The following EPB41 variants were observed in gnomAD, a reference collection of about 807,000 sequenced individuals.
The protein encoded by EPB41 is protein 4.1.
EPB41 carries 65 observed loss-of-function variants against 108.0 expected under a neutral mutation model. The observed-to-expected ratio is 0.60, with a 90% CI of 0.49 to 0.74. The LOEUF is 0.74. EPB41 is among the 30% of genes least tolerant of loss of function. The pLI, the probability that EPB41 is intolerant of heterozygous loss-of-function variation, is 0.00. For missense variants in EPB41, 875 were observed against 1,037.0 expected (o/e 0.84, Z 2.15); for synonymous variants, 336 against 358.9 (o/e 0.94, Z 0.72).
At chr1:28,938,263 A>G (rs1455783958) in intron 1 of EPB41, among the ~76,000 whole-genome samples, 3 of 152,300 alleles carry the variant, frequency 2.0e-5, no homozygotes, top group Middle Eastern at 3.4e-3. Context: ...TTTGATGTCT[A>G]CTGCACTGAA....
chr1:28,938,611 C>T (rs2094148266), intron 1 of EPB41, among the ~76,000 whole-genome samples: 2 of 151,220 alleles, frequency 1.3e-5, no homozygotes, highest in South Asian at 4.2e-4. Context: ...TTGCTCACTG[C>T]AACCTCTGCT....
At chr1:29,114,335 G>A (rs975615487) in intron 19 of EPB41, among the ~76,000 whole-genome samples, 1 of 152,130 alleles carries the variant, frequency 6.6e-6, no homozygotes, top group African/African-American at 2.4e-5. Context: ...AAGTCTGATC[G>A]ACTTGAGTTA....
chr1:28,984,406 T>C (rs1048770928), intron 1 of EPB41, among the ~76,000 whole-genome samples: 3 of 152,224 alleles, frequency 2.0e-5, no homozygotes, highest in African/African-American at 7.2e-5. Flanking sequence ...AATTTTTCTT[T>C]CATTATACTG....
chr1:28,971,760 C>T (rs1200269261), intron 1 of EPB41, among the ~76,000 whole-genome samples: 1 of 152,130 alleles, frequency 6.6e-6, no homozygotes, highest in Admixed American at 6.5e-5. Context: ...GACATTAGCA[C>T]TGCGTAGTAA....
intron 7 of EPB41, among the ~76,000 whole-genome samples, chr1:29,024,504 G>T (rs1012517126): frequency 6.6e-6 from 1 of 151,252 alleles, no homozygotes; most frequent in Admixed American, 6.6e-5. Context: ...TTGGTGGCAC[G>T]CGCCTGTAAT....
At chr1:28,895,517 T>G (rs2090573062) in intron 1 of EPB41, among the ~76,000 whole-genome samples, 1 of 151,518 alleles carries the variant, frequency 6.6e-6, no homozygotes, top group Admixed American at 6.6e-5. Context: ...TTGGATGGAG[T>G]CTCACTCTGT....
In EPB41 at chr1:29,018,718, A is replaced by T. The variant is rs2150067617; in HGVS notation, c.1124+276A>T. 6.6e-6 allele frequency among the ~76,000 whole-genome samples: 1 copy of T among 152,204 alleles called. No homozygotes were observed. The highest frequency in any genetic ancestry group is 2.4e-5 in the African/African-American group (1 of 41,548). ...GCTCAGTGCTCAGCAAATGGCAGCT[A>T]TTATTATTTTTGTTTCCTTACCTTT... On this transcript the variant is annotated intron_variant, in intron 7 of 20. Coordinates refer to ENST00000343067, the MANE Select transcript of EPB41 (RefSeq NM_001376013.1). This position sits in a 1 kb window ranked among gnomAD's most constrained non-coding sequence, Gnocchi z 4.4.
At chr1:28,896,981 G>A (rs971979945) in intron 1 of EPB41, among the ~76,000 whole-genome samples, 7 of 152,212 alleles carry the variant, frequency 4.6e-5, no homozygotes, top group African/African-American at 7.2e-5. Context: ...CTGGGAGGAG[G>A]AGGCAGAGCT....
intron 1 of EPB41, among the ~76,000 whole-genome samples, chr1:28,937,722 TAA>T (rs560167398): frequency 6.6e-6 from 1 of 152,200 alleles, no homozygotes; most frequent in Non-Finnish European, 1.5e-5. Flanking sequence ...GTCCAATTTA[TAA>T]AAAAATTTTT....
chr1:29,104,283 G>A (rs1021194207), intron 17 of EPB41, among the ~76,000 whole-genome samples: 5 of 152,098 alleles, frequency 3.3e-5, no homozygotes, highest in Admixed American at 3.3e-4. Flanking sequence ...TTATTATCTT[G>A]CTGGATAAGT....
intron 3 of EPB41, among the ~76,000 whole-genome samples, chr1:28,994,617 T>C (rs1396113035): frequency 2.0e-5 from 3 of 150,200 alleles, no homozygotes; most frequent in African/African-American, 7.4e-5. Flanking sequence ...AATTCACATA[T>C]ATGTGGAACA....
intron 1 of EPB41, chr1:28,890,930 G>A: frequency 1.0e-6 from 1 of 985,470 alleles, no homozygotes; most frequent in South Asian, 4.7e-5. Flanking sequence ...CCCTGCTGGA[G>A]CAAAGCTCTG....
intron 1 of EPB41, among the ~76,000 whole-genome samples, chr1:28,898,725 C>G (rs571288534): frequency 2.0e-5 from 3 of 152,340 alleles, no homozygotes; most frequent in Admixed American, 1.3e-4. Flanking sequence ...CAAGCTGGCT[C>G]CCCTCCTGCC....
At chr1:29,093,180 G>A (rs1448538797) in intron 16 of EPB41, among the ~76,000 whole-genome samples, 1 of 152,200 alleles carries the variant, frequency 6.6e-6, no homozygotes, top group African/African-American at 2.4e-5. Context: ...CAGTGTGTAA[G>A]CATTCCCTTT....
intron 1 of EPB41, among the ~76,000 whole-genome samples, chr1:28,937,513 T>G (rs1022166142): frequency 5.9e-5 from 9 of 152,234 alleles, no homozygotes; most frequent in East Asian, 5.8e-4. Flanking sequence ...TCCTGCCTCA[T>G]CCTCCCAAGT....
intron 11 of EPB41, among the ~76,000 whole-genome samples, chr1:29,048,500 C>T (rs1327520039): frequency 5.9e-5 from 9 of 152,134 alleles, no homozygotes; most frequent in African/African-American, 2.2e-4. Flanking sequence ...CGTGAGCCAC[C>T]GCGCCCGGCC....
At chr1:28,893,442 G>A (rs1309427345) in intron 1 of EPB41, 1 of 152,202 alleles carries the variant, frequency 6.6e-6, no homozygotes, top group Non-Finnish European at 1.5e-5. Context: ...TTACATGATT[G>A]TCTCCTCACT....
At position 28,953,770 on chromosome 1, in the gene EPB41, A is replaced by G. The variant is rs79708322; in HGVS notation, c.-7-33661A>G. On this transcript the variant is annotated intron_variant, in intron 1 of 20. Coordinates refer to ENST00000343067, the MANE Select transcript of EPB41 (RefSeq NM_001376013.1). ...ATCTCATTTTCATCTTACGTAGTTA[A>G]TAAAGAATGGATGGACACCAGGGTC... is the stretch of plus-strand genomic sequence containing the variant. Among the ~76,000 whole-genome samples the G allele has an allele frequency of 4.8e-3, 731 of 152,358 alleles. 4 individuals carry two copies. The highest frequency in any genetic ancestry group is 0.016 in the African/African-American group (671 of 41,590).
upstream of EPB41, among the ~76,000 whole-genome samples, chr1:28,914,294 G>A (rs904568218): frequency 1.3e-5 from 2 of 152,242 alleles, no homozygotes; most frequent in African/African-American, 2.4e-5. Flanking sequence ...CCCGGCTCCA[G>A]ACCGGGTTCG....
Sources: gnomAD v4.1 joint callset for allele counts (sites outside exome capture counted in the v4.1 genomes callset) on GRCh38, gnomAD v4.1.1 for gene constraint, Gnocchi (gnomAD v3.1) non-coding constraint, MANE v1.5 for transcripts, NCBI Gene and HGNC (gene_info 2026-07-23, HGNC 2026-07-21) for gene names.